ADARB2: variants seen among roughly 807,000 people sequenced by gnomAD.
ADARB2 encodes adenosine deaminase RNA specific B2 (inactive).
In ADARB2, 25 loss-of-function variants were observed where a neutral mutation model predicts 62.2. That is an observed-to-expected ratio of 0.40 (90% CI 0.29 to 0.56). The LOEUF is 0.56. Ranked by LOEUF, ADARB2 falls within the 20% of genes least tolerant of loss-of-function variation. The pLI, the probability that ADARB2 is intolerant of heterozygous loss-of-function variation, is 0.43. For missense variants in ADARB2, 1,071 were observed against 1,077.4 expected, an observed-to-expected ratio of 0.99 and a Z score of 0.08; for synonymous variants, 572 against 500.8, an observed-to-expected ratio of 1.14 and a Z score of -1.90.
intron 8 of ADARB2, among the ~76,000 whole-genome samples, chr10:1,190,825 A>AC (rs2131736910): frequency 6.6e-6 from 1 of 152,030 alleles, no homozygotes; most frequent in East Asian, 1.9e-4. Context: ...ATCTGCAAAG[A>AC]CCCCTTTTTT....
chr10:1,199,541 C>G (rs941724604), intron 8 of ADARB2: 1 of 163,624 alleles, frequency 6.1e-6, no homozygotes, highest in African/African-American at 2.4e-5. Context: ...TCCGAAGACC[C>G]GCTCTGGCCA....
chr10:1,492,164 G>T (rs1056396287), intron 1 of ADARB2, among the ~76,000 whole-genome samples: 2 of 152,168 alleles, frequency 1.3e-5, no homozygotes, highest in African/African-American at 4.8e-5. Flanking sequence ...TGAACAATAA[G>T]CGCCACACAG....
At chr10:1,379,505 T>A (rs1832463528) in intron 1 of ADARB2, among the ~76,000 whole-genome samples, 1 of 152,228 alleles carries the variant, frequency 6.6e-6, no homozygotes, top group Non-Finnish European at 1.5e-5. Context: ...TCGAGATCAT[T>A]TCACAGAGAT....
chr10:1,452,119 A>G (rs985063810), intron 1 of ADARB2, among the ~76,000 whole-genome samples: 3 of 152,146 alleles, frequency 2.0e-5, no homozygotes, highest in Non-Finnish European at 2.9e-5. Flanking sequence ...CTGACACACC[A>G]CCTTCAGATT....
At chr10:1,216,784 G>C in intron 7 of ADARB2, 167 bp downstream of exon 7, 2 of 935,634 alleles carry the variant, frequency 2.1e-6, no homozygotes. Context: ...CAGGGTGTGG[G>C]ACTGAACATG....
At chr10:1,329,022 G>A (rs201891808) in intron 3 of ADARB2, among the ~76,000 whole-genome samples, 24 of 88,878 alleles carry the variant, frequency 2.7e-4, no homozygotes, top group African/African-American at 6.9e-4. Context: ...AAAAAAAAAA[G>A]CAGGTCTGCA....
At chr10:1,560,073 G>A (rs1445563302) in intron 1 of ADARB2, among the ~76,000 whole-genome samples, 2 of 152,138 alleles carry the variant, frequency 1.3e-5, no homozygotes, top group Non-Finnish European at 2.9e-5. Context: ...CGTCTTCCAA[G>A]GCCAACTTGG....
At chr10:1,518,494 C>T (rs911241360) in intron 1 of ADARB2, among the ~76,000 whole-genome samples, 1 of 152,216 alleles carries the variant, frequency 6.6e-6, no homozygotes, top group Admixed American at 6.5e-5. Context: ...CAAGGGGTGT[C>T]AGATGGAGCC....
intron 1 of ADARB2, among the ~76,000 whole-genome samples, chr10:1,602,039 G>A (rs1833422015): frequency 6.6e-6 from 1 of 152,176 alleles, no homozygotes; most frequent in South Asian, 2.1e-4. Context: ...CATGGGAACC[G>A]GTGCGTGTTG....
At chr10:1,401,659 A>G (rs905240292) in intron 1 of ADARB2, among the ~76,000 whole-genome samples, 7 of 152,156 alleles carry the variant, frequency 4.6e-5, no homozygotes, top group African/African-American at 1.7e-4. Flanking sequence ...CCCCATTTCT[A>G]CCGAAGAGCG....
intron 1 of ADARB2, among the ~76,000 whole-genome samples, chr10:1,513,380 T>C (rs1390730306): frequency 6.6e-6 from 1 of 152,184 alleles, no homozygotes; most frequent in Admixed American, 6.5e-5. Flanking sequence ...GCCTGTTTCC[T>C]GAAGCCGGCA....
chr10:1,363,558 C>T lies in ADARB2; in HGVS notation c.547G>A (p.Glu183Lys). The T allele has an allele frequency of 6.4e-7, 1 of 1,572,090 alleles. No individual in the cohort carries two copies. Residue 183 changes from glutamate (E) to lysine (K), a missense_variant, in exon 3 of 10, where the codon GAG becomes AAG. By Grantham distance (56) the Glu-to-Lys change is moderately conservative. Transcript: ENST00000381312. ...TGCACGAAGGACCTGAGTGCCAGCT[C>T]CGCCGCGCGCATCTTGGCCTTCTTC... ...TKKKAKMRAA[E>K]LALRSFVQFP...
At chr10:1,714,497 T>C (rs1221838092) in intron 1 of ADARB2, among the ~76,000 whole-genome samples, 1 of 152,260 alleles carries the variant, frequency 6.6e-6, no homozygotes, top group Non-Finnish European at 1.5e-5. Flanking sequence ...TAATGCCTTT[T>C]TGAATCTGTG....
intron 1 of ADARB2, among the ~76,000 whole-genome samples, chr10:1,400,727 C>T (rs578124101): frequency 5.9e-5 from 9 of 152,176 alleles, no homozygotes; most frequent in Non-Finnish European, 1.0e-4. Context: ...TGCTCCCCTC[C>T]CCACCTGGTC....
At chr10:1,627,925 C>T (rs1375846636) in intron 1 of ADARB2, among the ~76,000 whole-genome samples, 1 of 152,142 alleles carries the variant, frequency 6.6e-6, no homozygotes, top group South Asian at 2.1e-4. Flanking sequence ...AGGTGTGACT[C>T]CCCCCAGCAT....
At chr10:1,584,443 G>T (rs1014898600) in intron 1 of ADARB2, among the ~76,000 whole-genome samples, 1 of 152,166 alleles carries the variant, frequency 6.6e-6, no homozygotes, top group Non-Finnish European at 1.5e-5. Context: ...GGACACCCTG[G>T]ATGCTGGTGA....
intron 1 of ADARB2, among the ~76,000 whole-genome samples, chr10:1,620,239 T>A (rs574715183): frequency 1.3e-5 from 2 of 152,100 alleles, no homozygotes; most frequent in Non-Finnish European, 2.9e-5. Flanking sequence ...ATATTTAGAT[T>A]GACCGACCAG....
chr10:1,684,938 T>C (rs957069276), intron 1 of ADARB2, among the ~76,000 whole-genome samples: 3 of 152,014 alleles, frequency 2.0e-5, no homozygotes, highest in Admixed American at 6.5e-5. Context: ...AGTGGGGGCC[T>C]CATCCATGCT....
chr10:1,574,279 C>A (rs1684950426), intron 1 of ADARB2, among the ~76,000 whole-genome samples: 1 of 152,198 alleles, frequency 6.6e-6, no homozygotes, highest in African/African-American at 2.4e-5. Context: ...ATGAGTCGAA[C>A]CTGCATAGAT....
Sources: gnomAD v4.1 joint callset for allele counts (sites outside exome capture counted in the v4.1 genomes callset) on GRCh38, gnomAD v4.1.1 for gene constraint, MANE v1.5 for transcripts, NCBI Gene and HGNC (gene_info 2026-07-23, HGNC 2026-07-21) for gene names.